LRRC63: variants seen among roughly 807,000 people sequenced by gnomAD.
LRRC63 encodes leucine-rich repeat-containing protein 63.
LRRC63 carries 40 observed loss-of-function variants against 49.5 expected under a neutral mutation model. The observed-to-expected ratio is 0.81, with a 90% confidence interval of 0.63 to 1.05. The LOEUF is 1.05. Among genes scored for constraint, LRRC63 ranks in the 50% least tolerant of loss-of-function variants. The pLI is 0.00. For missense variants in LRRC63, 636 were observed against 663.1 expected, an observed-to-expected ratio of 0.96 and a Z score of 0.45; for synonymous variants, 191 against 221.1, an observed-to-expected ratio of 0.86 and a Z score of 1.21.
At chr13:46,245,065 T>C (rs1009013704) in intron 5 of LRRC63, among the ~76,000 whole-genome samples, 10 of 152,100 alleles carry the variant, frequency 6.6e-5, no homozygotes, top group Non-Finnish European at 1.5e-4. Context: ...GCTGACTAGG[T>C]AGAAAATAAT....
intron 2 of LRRC63, among the ~76,000 whole-genome samples, chr13:46,215,584 C>G (rs1566463749): frequency 6.6e-6 from 1 of 152,016 alleles, no homozygotes; most frequent in Non-Finnish European, 1.5e-5. Flanking sequence ...ACTCTGATGA[C>G]AGTTTCTTTT....
chr13:46,224,651 T>G (rs2046515029), intron 2 of LRRC63, among the ~76,000 whole-genome samples: 1 of 152,210 alleles, frequency 6.6e-6, no homozygotes, highest in Admixed American at 6.5e-5. Context: ...ATGTTTTCTG[T>G]GTCTTTATAT....
At chr13:46,253,312 C>T (rs1020185655) in intron 7 of LRRC63, among the ~76,000 whole-genome samples, 7 of 151,854 alleles carry the variant, frequency 4.6e-5, no homozygotes, top group African/African-American at 1.7e-4. Context: ...AAATACTGGG[C>T]TCTGTCCTAA....
intron 7 of LRRC63, among the ~76,000 whole-genome samples, chr13:46,259,094 A>G (rs2138566288): frequency 6.6e-6 from 1 of 152,276 alleles, no homozygotes; most frequent in Non-Finnish European, 1.5e-5. Flanking sequence ...TGGAGGCAGG[A>G]AAGCTCAGCT....
chr13:46,233,599 C>A (rs1304903529), intron 4 of LRRC63, among the ~76,000 whole-genome samples: 3 of 152,046 alleles, frequency 2.0e-5, no homozygotes, highest in Admixed American at 6.5e-5. Context: ...TTGCATAGGA[C>A]ATTTTTGATG....
chr13:46,224,594 G>A (rs539994176), intron 2 of LRRC63, among the ~76,000 whole-genome samples: 7 of 152,072 alleles, frequency 4.6e-5, no homozygotes, highest in Non-Finnish European at 8.8e-5. Context: ...TCTATTACTG[G>A]AGAATTCTTG....
At chr13:46,252,534 G>A (rs944807601) in intron 7 of LRRC63, among the ~76,000 whole-genome samples, 1 of 151,966 alleles carries the variant, frequency 6.6e-6, no homozygotes, top group Non-Finnish European at 1.5e-5. Flanking sequence ...CCACCTAAAA[G>A]GAAGGCAGAC....
chr13:46,222,762 G>A (rs1262401007), intron 2 of LRRC63, among the ~76,000 whole-genome samples: 3 of 151,388 alleles, frequency 2.0e-5, no homozygotes, highest in Admixed American at 6.6e-5. Context: ...ACATGCACAC[G>A]TATGTTTATT....
intron 7 of LRRC63, 134 bp downstream of exon 7, chr13:46,250,625 C>T (rs111405009): frequency 0.014 from 9,833 of 701,132 alleles, 94 homozygotes; most frequent in Middle Eastern, 0.024. Context: ...TTAGCTAATA[C>T]GCTTCTTCTT....
chr13:46,269,299 T>C (rs901396317), intron 9 of LRRC63, among the ~76,000 whole-genome samples: 1 of 151,676 alleles, frequency 6.6e-6, no homozygotes, highest in Non-Finnish European at 1.5e-5. Context: ...AAGGTTGGTA[T>C]TAAGTGCAAG....
chr13:46,266,819 T>A, exon 9 of LRRC63: 1 of 1,550,198 alleles, frequency 6.5e-7, no homozygotes. Context: ...AAAATTCAGT[T>A]TGAGAATAAT....
At chr13:46,263,985 A>C (rs1213521576) in intron 8 of LRRC63, among the ~76,000 whole-genome samples, 3 of 152,172 alleles carry the variant, frequency 2.0e-5, no homozygotes, top group Non-Finnish European at 4.4e-5. Context: ...TGAATCTTTA[A>C]CCCTGACAAA....
chr13:46,239,823 C>T (rs1014322585), intron 5 of LRRC63, among the ~76,000 whole-genome samples: 1 of 152,132 alleles, frequency 6.6e-6, no homozygotes, highest in Non-Finnish European at 1.5e-5. Context: ...AGACTTTATC[C>T]CTGGGATGCA....
chr13:46,254,943 A>G (rs1383465755), intron 7 of LRRC63, among the ~76,000 whole-genome samples: 1 of 152,202 alleles, frequency 6.6e-6, no homozygotes. Context: ...CTGCAATTCA[A>G]ATGTCCATCA....
At chr13:46,266,950 G>A in exon 9 of LRRC63, 1 of 1,536,430 alleles carries the variant, frequency 6.5e-7, no homozygotes, top group East Asian at 2.5e-5. Context: ...GATCCCAGTA[G>A]AAGTTCAGAA....
At chr13:46,231,949 A>G (rs1289366910) in intron 4 of LRRC63, among the ~76,000 whole-genome samples, 3 of 150,762 alleles carry the variant, frequency 2.0e-5, no homozygotes, top group Admixed American at 6.6e-5. Context: ...ACGAGTAGCT[A>G]GGACTACAGG....
At chr13:46,267,024 A>G in intron 9 of LRRC63, 52 bp downstream of exon 9, 1 of 1,454,188 alleles carries the variant, frequency 6.9e-7, no homozygotes, top group Non-Finnish European at 9.1e-7. Context: ...AAGCATTAAA[A>G]TGTTCTTCAT....
intron 9 of LRRC63, chr13:46,269,972 C>A (rs537769402): frequency 1.4e-5 from 4 of 282,510 alleles, no homozygotes; most frequent in African/African-American, 8.6e-5. Context: ...CCAGTGGATG[C>A]CCGAAACCAT....
chr13:46,266,516 C>T (rs1484793630), intron 8 of LRRC63, among the ~76,000 whole-genome samples: 1 of 152,044 alleles, frequency 6.6e-6, no homozygotes, highest in South Asian at 2.1e-4. Flanking sequence ...GTACTTAAAC[C>T]GTGCTATTCA....
Sources: gnomAD v4.1 joint callset for allele counts (sites outside exome capture counted in the v4.1 genomes callset) on GRCh38, gnomAD v4.1.1 for gene constraint, MANE v1.5 for transcripts, NCBI Gene and HGNC (gene_info 2026-07-23, HGNC 2026-07-21) for gene names.